Variants in EYA4 observed in about 807,000 individuals in gnomAD.
The protein encoded by EYA4 is EYA transcriptional coactivator and phosphatase 4.
In EYA4, 31 loss-of-function variants were observed where a neutral mutation model predicts 87.9. The ratio of observed to expected loss-of-function variants is 0.35; its 90% CI spans 0.27 to 0.48. The LOEUF (loss-of-function observed/expected upper bound fraction) is 0.48. Ranked by LOEUF, EYA4 falls within the 20% of genes least tolerant of loss-of-function variation. The pLI is 0.99. For missense variants in EYA4, 678 were observed against 761.4 expected, an observed-to-expected ratio of 0.89 and a Z score of 1.29; for synonymous variants, 263 against 270.6, an observed-to-expected ratio of 0.97 and a Z score of 0.28.
chr6:133,376,976 T>A (rs1785745076), intron 2 of EYA4, among the ~76,000 whole-genome samples: 1 of 151,996 alleles, frequency 6.6e-6, no homozygotes, highest in Non-Finnish European at 1.5e-5. Context: ...GTAATAATAT[T>A]GACCAGTCCT....
At chr6:133,463,962 A>AC (rs760108833) in intron 9 of EYA4, among the ~76,000 whole-genome samples, 7 of 146,380 alleles carry the variant, frequency 4.8e-5, no homozygotes, top group African/African-American at 1.7e-4. Context: ...GACAGACAGT[A>AC]TTTTTTTTTT....
At chr6:133,404,499 T>G (rs1048870688) in intron 3 of EYA4, among the ~76,000 whole-genome samples, 1 of 152,208 alleles carries the variant, frequency 6.6e-6, no homozygotes, top group Non-Finnish European at 1.5e-5. Context: ...GTTTTTTTTT[T>G]CGTATTACAA....
chr6:133,338,959 T>C (rs770539805), intron 2 of EYA4, among the ~76,000 whole-genome samples: 7 of 152,176 alleles, frequency 4.6e-5, no homozygotes, highest in Non-Finnish European at 7.3e-5. Context: ...TGGGCATCAC[T>C]TGGCTCTTTT....
chr6:133,345,015 T>G (rs1783087299), intron 2 of EYA4, among the ~76,000 whole-genome samples: 1 of 152,136 alleles, frequency 6.6e-6, no homozygotes, highest in Non-Finnish European at 1.5e-5. Flanking sequence ...GTCTTATTAT[T>G]TCTTATTTCT....
intron 2 of EYA4, among the ~76,000 whole-genome samples, chr6:133,326,963 C>T (rs1379466382): frequency 6.6e-6 from 1 of 152,162 alleles, no homozygotes; most frequent in Non-Finnish European, 1.5e-5. Context: ...TGACCTCTCG[C>T]TGACCCTTGT....
intron 13 of EYA4, among the ~76,000 whole-genome samples, chr6:133,494,120 A>G (rs1010822560): frequency 6.6e-6 from 1 of 152,084 alleles, no homozygotes; most frequent in African/African-American, 2.4e-5. Flanking sequence ...AGGTATTTGC[A>G]CTCCTATGTT....
intron 2 of EYA4, among the ~76,000 whole-genome samples, chr6:133,303,208 T>A (rs576422223): frequency 6.6e-6 from 1 of 152,334 alleles, no homozygotes; most frequent in South Asian, 2.1e-4. Context: ...CTTTTAACCA[T>A]ATTGGTATTC....
intron 2 of EYA4, among the ~76,000 whole-genome samples, chr6:133,303,611 G>A (rs1018998942): frequency 4.6e-5 from 7 of 152,258 alleles, no homozygotes; most frequent in South Asian, 4.1e-4. Flanking sequence ...CTGATACACA[G>A]TAAAATTTTA....
chr6:133,481,470 C>G lies in EYA4; in HGVS notation c.978C>G (p.Phe326Leu), dbSNP rs773095472. The G allele has an allele frequency of 8.1e-6, 13 of 1,613,400 alleles. No individual in the cohort carries two copies. The East Asian group carries it at 2.7e-4, about 33-fold the overall frequency. Residue 326 changes from phenylalanine (F) to leucine (L), a missense_variant, in exon 12 of 20, where the codon TTC becomes TTG. Transcript: ENST00000355286. ...AAGTCATGTTATCTATAGGAGAGTT[C>G]GATACCATGCAGAGTCCCTCCACAC... ...LPGLTNQPGE[F>L]DTMQSPSTPI... is the part of the protein sequence containing the mutation.
At chr6:133,451,979 A>G (rs867285934) in intron 5 of EYA4, among the ~76,000 whole-genome samples, 5 of 152,246 alleles carry the variant, frequency 3.3e-5, no homozygotes, top group South Asian at 4.1e-4. Context: ...TAAAAGTCAT[A>G]AATGGCTTCA....
intron 19 of EYA4, among the ~76,000 whole-genome samples, chr6:133,527,557 G>T (rs1224654238): frequency 6.6e-6 from 1 of 152,120 alleles, no homozygotes; most frequent in Non-Finnish European, 1.5e-5. Context: ...TCTAATTAAT[G>T]TAAAAATTAT....
chr6:133,441,226 C>T (rs2128610462), intron 3 of EYA4, among the ~76,000 whole-genome samples: 1 of 152,252 alleles, frequency 6.6e-6, no homozygotes, highest in South Asian at 2.1e-4. Context: ...CTTCAGATAT[C>T]CTGGTCCTTT....
chr6:133,308,991 T>A (rs2128327901), intron 2 of EYA4, among the ~76,000 whole-genome samples: 1 of 152,098 alleles, frequency 6.6e-6, no homozygotes, highest in Non-Finnish European at 1.5e-5. Flanking sequence ...GGAAGCAAGG[T>A]TGTGACTGTG....
intron 1 of EYA4, among the ~76,000 whole-genome samples, chr6:133,259,227 C>T (rs1775595197): frequency 6.6e-6 from 1 of 151,954 alleles, no homozygotes; most frequent in African/African-American, 2.4e-5. Context: ...GTCTTGTTAA[C>T]CAGGGGCACC....
chr6:133,453,439 A>G (rs2128637105), intron 5 of EYA4, among the ~76,000 whole-genome samples: 1 of 152,192 alleles, frequency 6.6e-6, no homozygotes, highest in East Asian at 1.9e-4. Context: ...TATCAAGATA[A>G]TACTTCTTCG....
intron 4 of EYA4, 126 bp from the exon 5 acceptor site, chr6:133,447,982 ATGT>A (rs1793021672): frequency 2.8e-6 from 2 of 717,304 alleles, no homozygotes. Context: ...ATAAACTAAA[ATGT>A]TGAAGTCATA....
intron 17 of EYA4, among the ~76,000 whole-genome samples, chr6:133,519,572 A>C (rs1025583994): frequency 5.3e-5 from 8 of 151,418 alleles, no homozygotes; most frequent in African/African-American, 1.9e-4. Flanking sequence ...AGGTACAAGG[A>C]GGAACTGGTA....
chr6:133,502,580 G>A (rs1798228680), intron 13 of EYA4: 1 of 152,214 alleles, frequency 6.6e-6, no homozygotes, highest in South Asian at 2.1e-4. Flanking sequence ...CAAATGTCCA[G>A]TCATCTTTCT....
At position 133,282,070 on chromosome 6, in the gene EYA4, T is replaced by C. The variant is rs537464042; in HGVS notation, c.33+7257T>C. On this transcript the variant is annotated intron_variant, in intron 2 of 19. Transcript: ENST00000355286. ...TCTTTGCTATTGTGAATAATGTCTT[T>C]CTGATAGAATGGTTTCTTTTCCTTT... Among the ~76,000 whole-genome samples the C allele has an allele frequency of 3.3e-4, 50 of 152,268 alleles. 2 individuals carry two copies. Among genetic ancestry groups the C allele is most frequent in the African/African-American group, 1.1e-3 (44 of 41,566 alleles).
Sources: gnomAD v4.1 joint callset for allele counts (sites outside exome capture counted in the v4.1 genomes callset) on GRCh38, gnomAD v4.1.1 for gene constraint, MANE v1.5 for transcripts, NCBI Gene and HGNC (gene_info 2026-07-23, HGNC 2026-07-21) for gene names.